The following FARS2 variants were observed in gnomAD, a reference collection of about 807,000 sequenced individuals.
The protein encoded by FARS2 is phenylalanyl-tRNA synthetase 2, mitochondrial.
FARS2 carries 40 observed loss-of-function variants against 46.4 expected under a neutral mutation model. The observed-to-expected ratio is 0.86, with a 90% CI of 0.67 to 1.12. The LOEUF (loss-of-function observed/expected upper bound fraction) is 1.12, where lower values mean the gene tolerates loss of function less well. Ranked by LOEUF, FARS2 falls within the 50% of genes most tolerant of loss-of-function variation. The pLI is 0.00. For missense variants in FARS2, 513 were observed against 567.9 expected, an observed-to-expected ratio of 0.90 and a Z score of 0.98; for synonymous variants, 234 against 214.9, an observed-to-expected ratio of 1.09 and a Z score of -0.78.
At chr6:5,485,260 C>T (rs1766707469) in intron 4 of FARS2, among the ~76,000 whole-genome samples, 1 of 152,078 alleles carries the variant, frequency 6.6e-6, no homozygotes, top group African/African-American at 2.4e-5. Context: ...ATACTTTGCT[C>T]ATGAGATTGT....
chr6:5,376,028 C>T (rs1285573748), intron 2 of FARS2, among the ~76,000 whole-genome samples: 1 of 152,092 alleles, frequency 6.6e-6, no homozygotes, highest in Admixed American at 6.5e-5. Flanking sequence ...AGTTATGAGA[C>T]ATTTCTACGT....
At chr6:5,306,545 C>T (rs960798127) in intron 1 of FARS2, among the ~76,000 whole-genome samples, 1 of 152,092 alleles carries the variant, frequency 6.6e-6, no homozygotes, top group Admixed American at 6.5e-5. Flanking sequence ...TTCAGAGGGC[C>T]TTTACTATGT....
At position 5,432,346 on chromosome 6, in the gene FARS2, AT is replaced by A. The variant is rs1251895989; in HGVS notation, c.904+1175del. ...AAAAAAAATATATATATATATATAT[AT>A]ATATTATATATATATAATATATTAT... On this transcript the variant is annotated intron_variant, in intron 4 of 6. Transcript: ENST00000274680. Among the ~76,000 whole-genome samples, 30 of 32,240 alleles carry A rather than the reference AT, an allele frequency of 9.3e-4. No homozygotes were observed. In the East Asian group the frequency reaches 0.018, roughly 19 times the overall value. 21.2% of individuals were successfully genotyped at this position (32,240 alleles called of 152,430 possible). A position where few individuals can be genotyped will look rare whatever the true frequency, so the allele number is the denominator to read the frequency against.
chr6:5,314,680 A>C (rs994362288), intron 1 of FARS2, among the ~76,000 whole-genome samples: 3 of 152,092 alleles, frequency 2.0e-5, no homozygotes, highest in African/African-American at 7.2e-5. Flanking sequence ...TGTGACCTTG[A>C]TTAAGGGGAA....
intron 1 of FARS2, among the ~76,000 whole-genome samples, chr6:5,264,184 C>G (rs1765383632): frequency 6.6e-6 from 1 of 152,124 alleles, no homozygotes. Flanking sequence ...GAGGTTGAGG[C>G]TGCATTGAGC....
chr6:5,581,666 G>A (rs1479886632), intron 5 of FARS2, among the ~76,000 whole-genome samples: 1 of 152,210 alleles, frequency 6.6e-6, no homozygotes, highest in African/African-American at 2.4e-5. Flanking sequence ...GCCTCTGCAC[G>A]TTGGGACATG....
chr6:5,270,815 CT>C (rs1312622804), intron 1 of FARS2, among the ~76,000 whole-genome samples: 2 of 152,172 alleles, frequency 1.3e-5, no homozygotes, highest in Non-Finnish European at 2.9e-5. Flanking sequence ...GCTTTTCATT[CT>C]TTAGTACTCA....
Position 5,666,798 on chromosome 6 carries a change from G to A in FARS2, c.1217+53478G>A, listed in dbSNP as rs113163966. 7.9e-3 allele frequency among the ~76,000 whole-genome samples: 1,196 copies of A among 152,224 alleles called. 12 individuals are homozygous for A. Among genetic ancestry groups the A allele is most frequent in the African/African-American group, 0.025 (1,025 of 41,538 alleles). ...TGTGTATTCGTTGCTATTCAAAATAGCAAAGACATGGAATCAACCTAAAGG... is the reference window on the plus strand; with the variant it reads ...TGTGTATTCGTTGCTATTCAAAATAACAAAGACATGGAATCAACCTAAAGG... On this transcript the variant is annotated intron_variant, in intron 6 of 6. Coordinates refer to ENST00000274680, the MANE Select transcript of FARS2 (RefSeq NM_006567.5).
chr6:5,475,827 C>G (rs1582214728), intron 4 of FARS2, among the ~76,000 whole-genome samples: 1 of 152,108 alleles, frequency 6.6e-6, no homozygotes, highest in Non-Finnish European at 1.5e-5. Flanking sequence ...CCTCCAATTC[C>G]CCTCTCTGTG....
intron 1 of FARS2, among the ~76,000 whole-genome samples, chr6:5,313,473 C>A (rs2127551989): frequency 6.6e-6 from 1 of 152,328 alleles, no homozygotes; most frequent in East Asian, 1.9e-4. Context: ...ACAGCTTTCA[C>A]AACACAGATC....
chr6:5,644,980 G>A (rs770771365), intron 6 of FARS2, among the ~76,000 whole-genome samples: 8 of 152,184 alleles, frequency 5.3e-5, no homozygotes, highest in East Asian at 3.9e-4. Flanking sequence ...TCTCAGAGCC[G>A]ACTCAGCACT....
At chr6:5,519,775 G>T (rs1202972037) in intron 4 of FARS2, among the ~76,000 whole-genome samples, 1 of 152,128 alleles carries the variant, frequency 6.6e-6, no homozygotes, top group East Asian at 1.9e-4. Context: ...TTATTTGTCT[G>T]GTTGTAGATA....
At chr6:5,593,467 T>C (rs1322557335) in intron 5 of FARS2, among the ~76,000 whole-genome samples, 1 of 152,162 alleles carries the variant, frequency 6.6e-6, no homozygotes, top group Non-Finnish European at 1.5e-5. Flanking sequence ...AGTGGGTGTC[T>C]TTTTATGCCC....
chr6:5,474,265 TC>T, intron 4 of FARS2, among the ~76,000 whole-genome samples: 1 of 152,218 alleles, frequency 6.6e-6, no homozygotes, highest in Non-Finnish European at 1.5e-5. Flanking sequence ...ATGCATTATT[TC>T]ATTTATTTAT....
chr6:5,586,523 T>C (rs1773621081), intron 5 of FARS2, among the ~76,000 whole-genome samples: 1 of 152,198 alleles, frequency 6.6e-6, no homozygotes, highest in Non-Finnish European at 1.5e-5. Context: ...ACCATCCTTG[T>C]ATCCCAGGGA....
chr6:5,592,950 C>G (rs1715605075), intron 5 of FARS2, among the ~76,000 whole-genome samples: 1 of 152,202 alleles, frequency 6.6e-6, no homozygotes, highest in Non-Finnish European at 1.5e-5. Flanking sequence ...TGGTCACAAC[C>G]TGCTTGCAGC....
At chr6:5,258,192 C>G (rs1232438181), upstream of FARS2, among the ~76,000 whole-genome samples, 1 of 152,190 alleles carries the variant, frequency 6.6e-6, no homozygotes, top group Non-Finnish European at 1.5e-5. Flanking sequence ...GAGGAGCAGA[C>G]AGGGCTCCTG....
Position 5,581,873 on chromosome 6 carries a change from A to G in FARS2, c.1066-31296A>G, listed in dbSNP as rs111544834. Among the ~76,000 whole-genome samples, 269 of 150,462 alleles carry G rather than the reference A, an allele frequency of 1.8e-3. 1 individual carries two copies. Among genetic ancestry groups the G allele is most frequent in the Non-Finnish European group, 3.0e-3 (201 of 66,888 alleles). On this transcript the variant is annotated intron_variant, in intron 5 of 6. Transcript: ENST00000274680. The stretch of plus-strand genomic sequence containing the variant: ...GTTAATTCCTGATGCACTTTTCTAA[A>G]TGGTCACAGTAACATACTTACGGTT...
chr6:5,584,363 C>G (rs991703390), intron 5 of FARS2, among the ~76,000 whole-genome samples: 12 of 152,134 alleles, frequency 7.9e-5, no homozygotes, highest in South Asian at 4.1e-4. Flanking sequence ...ATTTCTCCCC[C>G]ACCCCAGCAC....
Sources: allele counts gnomAD v4.1 joint callset (sites outside exome capture counted in the v4.1 genomes callset), GRCh38; gene constraint gnomAD v4.1.1; transcripts MANE v1.5; gene names NCBI Gene and HGNC (gene_info 2026-07-23, HGNC 2026-07-21).